TRAK1: variants seen among roughly 807,000 people sequenced by gnomAD.
TRAK1 encodes trafficking kinesin-binding protein 1.
A neutral mutation model predicts 92.1 loss-of-function variants in TRAK1; 33 were observed. The ratio of observed to expected loss-of-function variants is 0.36; its 90% CI spans 0.27 to 0.48. The LOEUF (loss-of-function observed/expected upper bound fraction) is 0.48. TRAK1 is among the 20% of genes least tolerant of loss of function. The probability of loss-of-function intolerance (pLI) is 0.99; values close to 1 mark genes in which losing one functional copy is unlikely to be tolerated. For missense variants in TRAK1, 1,123 were observed against 1,257.9 expected, an observed-to-expected ratio of 0.89 and a Z score of 1.62; for synonymous variants, 521 against 517.3, an observed-to-expected ratio of 1.01 and a Z score of -0.10.
At chr3:42,186,034 G>A (rs1472657730) in intron 4 of TRAK1, among the ~76,000 whole-genome samples, 2 of 141,608 alleles carry the variant, frequency 1.4e-5, no homozygotes, top group Admixed American at 7.4e-5. Flanking sequence ...TCAGGCTAGA[G>A]TGCAGTCGTG....
intron 2 of TRAK1, among the ~76,000 whole-genome samples, chr3:42,157,152 G>GAA (rs778292703): frequency 1.4e-5 from 2 of 139,526 alleles, no homozygotes; most frequent in African/African-American, 5.2e-5. Flanking sequence ...ACTCTGTCTG[G>GAA]AAAAAAAAAA....
chr3:42,200,375 A>G (rs1179632259), intron 11 of TRAK1, among the ~76,000 whole-genome samples: 2 of 152,210 alleles, frequency 1.3e-5, no homozygotes, highest in East Asian at 3.8e-4. Flanking sequence ...CTTTTTTTAT[A>G]TGAATGTTCA....
At chr3:42,217,012 A>G (rs1370159759) in intron 14 of TRAK1, among the ~76,000 whole-genome samples, 2 of 151,934 alleles carry the variant, frequency 1.3e-5, no homozygotes, top group African/African-American at 4.8e-5. Flanking sequence ...GGTGCGTGGC[A>G]TGGGCTTGGT....
intron 2 of TRAK1, among the ~76,000 whole-genome samples, chr3:42,133,607 C>T (rs2371797): frequency 0.48 from 73,473 of 151,976 alleles, 18,032 homozygotes; most frequent in South Asian, 0.6. Context: ...CCCCCACTTC[C>T]GTTGCCTTTT....
intron 1 of TRAK1, among the ~76,000 whole-genome samples, chr3:42,036,759 C>G (rs1327270837): frequency 6.6e-6 from 1 of 151,998 alleles, no homozygotes; most frequent in Non-Finnish European, 1.5e-5. Context: ...TTTTTATTTT[C>G]TATCTTTTTG....
chr3:42,219,901 A>G (rs1710175227), intron 15 of TRAK1, among the ~76,000 whole-genome samples: 2 of 138,528 alleles, frequency 1.4e-5, no homozygotes, highest in Admixed American at 1.7e-4. Flanking sequence ...GTTCAAGCCC[A>G]TCTTTCCTTT....
chr3:42,050,954 C>T (rs928525596), intron 1 of TRAK1, among the ~76,000 whole-genome samples: 2 of 152,210 alleles, frequency 1.3e-5, no homozygotes, highest in African/African-American at 2.4e-5. Flanking sequence ...CCCTCTGGTT[C>T]ACTTTCTTAT....
At chr3:42,082,022 AC>A (rs1559744281) in intron 1 of TRAK1, among the ~76,000 whole-genome samples, 1 of 152,270 alleles carries the variant, frequency 6.6e-6, no homozygotes, top group East Asian at 1.9e-4. Flanking sequence ...GGATTTCAGA[AC>A]TGTGGCTTGT....
upstream of TRAK1, among the ~76,000 whole-genome samples, chr3:42,088,942 C>T (rs185296490): frequency 6.6e-6 from 1 of 152,172 alleles, no homozygotes; most frequent in Non-Finnish European, 1.5e-5. Context: ...GTTTTAAAAT[C>T]GCCTTCTGTA....
At chr3:42,019,834 T>A (rs1701665319) in intron 1 of TRAK1, among the ~76,000 whole-genome samples, 1 of 152,170 alleles carries the variant, frequency 6.6e-6, no homozygotes, top group South Asian at 2.1e-4. Flanking sequence ...TATTATTGAG[T>A]CAGGAATTTG....
At position 42,223,840 on chromosome 3, in the gene TRAK1, C is replaced by T. The variant is rs780545544; in HGVS notation, c.*103C>T. ...CAGTGCACTCCCTCCCTCTGCCCTT[C>T]TCTGTCCACCCCCTCCTAAGCTAGA... On this transcript the variant is annotated 3_prime_UTR_variant, in exon 16 of 16. Transcript: ENST00000327628. The surrounding 1 kb of genome is among the most constrained non-coding windows in gnomAD (Gnocchi z 6.1). 4 of 1,293,278 alleles carry T rather than the reference C, an allele frequency of 3.1e-6. No homozygotes were observed. Among genetic ancestry groups the T allele is most frequent in the Non-Finnish European group, 4.3e-6 (4 of 932,858 alleles). The allele number at this position is 1,293,278 out of a possible 1,614,324, so 80.1% of individuals were successfully genotyped here. A position where few individuals can be genotyped will look rare whatever the true frequency, so the allele number is the denominator to read the frequency against.
chr3:42,024,514 A>G (rs1701845727), intron 1 of TRAK1, among the ~76,000 whole-genome samples: 1 of 152,202 alleles, frequency 6.6e-6, no homozygotes, highest in Non-Finnish European at 1.5e-5. Flanking sequence ...TGGCAGCAAT[A>G]GCATTGGTAT....
At chr3:42,103,916 T>C (rs1227773223) in intron 1 of TRAK1, among the ~76,000 whole-genome samples, 1 of 152,194 alleles carries the variant, frequency 6.6e-6, no homozygotes, top group Non-Finnish European at 1.5e-5. Context: ...TTCCCTTTCC[T>C]AGCAAAGGGA....
intron 1 of TRAK1, among the ~76,000 whole-genome samples, chr3:42,043,261 G>A (rs558871975): frequency 5.9e-5 from 9 of 151,664 alleles, no homozygotes; most frequent in South Asian, 4.2e-4. Context: ...CACATTGCCC[G>A]TTCCCGTTCT....
chr3:42,048,965 G>C (rs182343381), intron 1 of TRAK1, among the ~76,000 whole-genome samples: 1 of 152,168 alleles, frequency 6.6e-6, no homozygotes, highest in East Asian at 1.9e-4. Flanking sequence ...TGAGCTCACT[G>C]CAGTCTCAAC....
At chr3:42,085,146 T>C (rs1704611516), upstream of TRAK1, among the ~76,000 whole-genome samples, 1 of 152,044 alleles carries the variant, frequency 6.6e-6, no homozygotes, top group African/African-American at 2.4e-5. Context: ...ATAAGGCAAA[T>C]ATCCCCAAAT....
Position 42,193,085 on chromosome 3 carries a change from T to C in TRAK1, c.780T>C (p.Asn260=), listed in dbSNP as rs1430456950. 6.2e-7 allele frequency: 1 copy of C among 1,614,078 alleles called. No individual in the cohort carries two copies. The highest frequency in any genetic ancestry group is 1.3e-5 in the African/African-American group (1 of 75,060). ...GCTTCTTTGTCAAAGGGGATGCCAA[T>C]GTCCAGATTGCTAGTATCTCAGAGG... The part of the protein sequence containing the change: ...NDCVKELRDA[N]VQIASISEEL... Residue 260 remains asparagine (N), a synonymous_variant, in exon 8 of 16, where the codon AAT becomes AAC. Transcript: ENST00000327628.
chr3:42,071,302 A>G (rs1703921011), intron 1 of TRAK1, among the ~76,000 whole-genome samples: 1 of 152,174 alleles, frequency 6.6e-6, no homozygotes, highest in Non-Finnish European at 1.5e-5. Context: ...TGTTAACTTT[A>G]TCCTAGGCTG....
At chr3:42,058,955 A>AT (rs569636806) in intron 1 of TRAK1, among the ~76,000 whole-genome samples, 1 of 152,194 alleles carries the variant, frequency 6.6e-6, no homozygotes, top group Non-Finnish European at 1.5e-5. Flanking sequence ...CTGTGCTGCA[A>AT]TTTTTTTAAA....
Sources: allele counts gnomAD v4.1 joint callset (sites outside exome capture counted in the v4.1 genomes callset), GRCh38; gene constraint gnomAD v4.1.1; non-coding constraint Gnocchi (gnomAD v3.1); transcripts MANE v1.5; gene names NCBI Gene and HGNC (gene_info 2026-07-23, HGNC 2026-07-21).